Variants in WWOX observed in about 807,000 individuals in gnomAD.
WWOX encodes WW domain containing oxidoreductase.
A neutral mutation model predicts 46.2 loss-of-function variants in WWOX; 69 were observed. The ratio of observed to expected loss-of-function variants is 1.49; its 90% CI spans 1.23 to 1.82. WWOX has a LOEUF of 1.82. WWOX is among the 40% of genes most tolerant of loss of function. The pLI, the probability that WWOX is intolerant of heterozygous loss-of-function variation, is 0.00. For synonymous variants in WWOX, 359 were observed against 202.6 expected (o/e 1.77, Z -6.56); for missense variants, 919 against 542.6 (o/e 1.69, Z -6.89).
intron 5 of WWOX, among the ~76,000 whole-genome samples, chr16:78,321,013 C>A (rs2080455854): frequency 6.6e-6 from 1 of 152,106 alleles, no homozygotes; most frequent in South Asian, 2.1e-4. Flanking sequence ...AATGTACTCA[C>A]ACCTTAACCA....
At chr16:78,489,927 C>G (rs1281288086) in intron 8 of WWOX, among the ~76,000 whole-genome samples, 1 of 152,120 alleles carries the variant, frequency 6.6e-6, no homozygotes. Context: ...TTATATTCCA[C>G]TGGGGTAAGC....
intron 8 of WWOX, among the ~76,000 whole-genome samples, chr16:78,746,036 G>C (rs896183064): frequency 2.0e-5 from 3 of 152,154 alleles, no homozygotes; most frequent in African/African-American, 7.2e-5. Context: ...CACAAGGAGA[G>C]GTGGAGGGGG....
intron 5 of WWOX, among the ~76,000 whole-genome samples, chr16:78,329,142 T>C (rs978423441): frequency 2.6e-5 from 4 of 152,120 alleles, no homozygotes; most frequent in Non-Finnish European, 5.9e-5. Flanking sequence ...ATTACAGGTG[T>C]GAGCTACCGC....
At chr16:78,281,313 G>A (rs12935780) in intron 5 of WWOX, among the ~76,000 whole-genome samples, 11,841 of 152,206 alleles carry the variant, frequency 0.078, 882 homozygotes, top group East Asian at 0.24. Context: ...ATGAGATTTG[G>A]GCGGGGACAA....
chr16:79,185,775 G>A (rs749080429), intron 8 of WWOX, among the ~76,000 whole-genome samples: 1 of 152,146 alleles, frequency 6.6e-6, no homozygotes, highest in Non-Finnish European at 1.5e-5. Context: ...GAGGATAAAC[G>A]AGAGGGTGTG....
At chr16:78,440,629 T>C (rs577570373) in intron 8 of WWOX, among the ~76,000 whole-genome samples, 1 of 145,806 alleles carries the variant, frequency 6.9e-6, no homozygotes, top group East Asian at 2.0e-4. Context: ...TTTTTTCTTT[T>C]TTTTTGAGAC....
chr16:78,597,302 A>G (rs528007696), intron 8 of WWOX, among the ~76,000 whole-genome samples: 31 of 152,280 alleles, frequency 2.0e-4, no homozygotes, highest in African/African-American at 7.2e-4. Flanking sequence ...AACGGATACT[A>G]TTAGCACCTA....
intron 8 of WWOX, among the ~76,000 whole-genome samples, chr16:78,934,997 G>T (rs1425177880): frequency 1.3e-5 from 2 of 152,058 alleles, no homozygotes; most frequent in East Asian, 3.9e-4. Context: ...ACAGACACAT[G>T]AAAAAATGCT....
chr16:78,675,309 G>A (rs928356460), intron 8 of WWOX, among the ~76,000 whole-genome samples: 4 of 152,096 alleles, frequency 2.6e-5, no homozygotes, highest in East Asian at 1.9e-4. Context: ...GACAAGAACC[G>A]TACACTGTAG....
intron 8 of WWOX, among the ~76,000 whole-genome samples, chr16:78,641,047 CT>C (rs1436085987): frequency 6.6e-6 from 1 of 152,012 alleles, no homozygotes; most frequent in African/African-American, 2.4e-5. Context: ...CTGAGCATTA[CT>C]GTAACATAGA....
At chr16:79,147,557 T>G (rs539354511) in intron 8 of WWOX, among the ~76,000 whole-genome samples, 5 of 152,366 alleles carry the variant, frequency 3.3e-5, no homozygotes, top group African/African-American at 1.2e-4. Context: ...TATAAACATT[T>G]GTACACAAGT....
At chr16:79,156,691 C>T (rs570365153) in intron 8 of WWOX, among the ~76,000 whole-genome samples, 1 of 151,880 alleles carries the variant, frequency 6.6e-6, no homozygotes, top group Admixed American at 6.5e-5. Context: ...TTAGGGTTTA[C>T]AGCAGGTATC....
At chr16:78,731,146 G>C (rs1000681258) in intron 8 of WWOX, among the ~76,000 whole-genome samples, 1 of 152,120 alleles carries the variant, frequency 6.6e-6, no homozygotes, top group African/African-American at 2.4e-5. Flanking sequence ...GGCTGTGTAA[G>C]CCAAGGAGTT....
Position 78,577,822 on chromosome 16 carries a change from A to G in WWOX, c.1056+145070A>G, listed in dbSNP as rs80278949. 2.8e-3 allele frequency among the ~76,000 whole-genome samples: 419 copies of G among 152,266 alleles called. 1 individual carries two copies. Among genetic ancestry groups the G allele is most frequent in the African/African-American group, 9.5e-3 (396 of 41,556 alleles). On this transcript the variant is annotated intron_variant, in intron 8 of 8. Coordinates refer to ENST00000566780, the MANE Select transcript of WWOX (RefSeq NM_016373.4). ...TCAATGACATGACTTTCAGTTTAGC[A>G]CATGTACAGATGACCTTGTTTGGGC...
At position 78,619,029 on chromosome 16, in the gene WWOX, C is replaced by A. The variant is rs558357524; in HGVS notation, c.1056+186277C>A. ...TTAAGTGTTAGGCCAGGTGGGGTGG[C>A]TCATGTCTGTAATTCCAGCACTTTG... On this transcript the variant is annotated intron_variant, in intron 8 of 8. Coordinates refer to ENST00000566780, the MANE Select transcript of WWOX (RefSeq NM_016373.4). 4.9e-4 allele frequency among the ~76,000 whole-genome samples: 72 copies of A among 147,540 alleles called. 1 individual carries two copies. Among genetic ancestry groups the A allele is most frequent in the Non-Finnish European group, 9.5e-4 (64 of 67,050 alleles).
chr16:78,155,345 C>G (rs953939573), intron 4 of WWOX, among the ~76,000 whole-genome samples: 1 of 152,170 alleles, frequency 6.6e-6, no homozygotes, highest in Non-Finnish European at 1.5e-5. Flanking sequence ...GACTTGTCCT[C>G]TGATCATCAG....
intron 8 of WWOX, among the ~76,000 whole-genome samples, chr16:78,487,147 C>G (rs1385989335): frequency 6.6e-6 from 1 of 152,160 alleles, no homozygotes; most frequent in Non-Finnish European, 1.5e-5. Context: ...TGACATCAGA[C>G]TATGTTTTGC....
intron 8 of WWOX, among the ~76,000 whole-genome samples, chr16:78,912,690 C>G (rs16948856): frequency 6.6e-6 from 1 of 151,756 alleles, no homozygotes; most frequent in Non-Finnish European, 1.5e-5. Context: ...AAAGGCAGTC[C>G]CTTCAGCTCT....
chr16:78,474,484 C>T (rs577762602), intron 8 of WWOX, among the ~76,000 whole-genome samples: 1 of 152,324 alleles, frequency 6.6e-6, no homozygotes, highest in South Asian at 2.1e-4. Flanking sequence ...ACCCCCTCAT[C>T]GTGGTTCCCT....
Sources: allele counts gnomAD v4.1 joint callset (sites outside exome capture counted in the v4.1 genomes callset), GRCh38; gene constraint gnomAD v4.1.1; transcripts MANE v1.5; gene names NCBI Gene and HGNC (gene_info 2026-07-23, HGNC 2026-07-21).